CWF19L2: variants seen among roughly 807,000 people sequenced by gnomAD.
The protein encoded by CWF19L2 is CWF19-like protein 2.
A neutral mutation model predicts 111.7 loss-of-function variants in CWF19L2; 98 were observed. The observed-to-expected ratio is 0.88, with a 90% CI of 0.75 to 1.04. The LOEUF is 1.04. Ranked by LOEUF, CWF19L2 falls within the 50% of genes least tolerant of loss-of-function variation. The pLI is 0.00. For synonymous variants in CWF19L2, 351 were observed against 342.9 expected (o/e 1.02, Z -0.26); for missense variants, 1,101 against 1,051.4 (o/e 1.05, Z -0.65).
intron 6 of CWF19L2, among the ~76,000 whole-genome samples, chr11:107,434,825 T>C (rs1861518266): frequency 6.6e-6 from 1 of 152,068 alleles, no homozygotes; most frequent in African/African-American, 2.4e-5. Context: ...GACAAGGTAG[T>C]GACTAGAAGG....
At chr11:107,358,652 T>C (rs1418061233) in intron 12 of CWF19L2, among the ~76,000 whole-genome samples, 1 of 152,202 alleles carries the variant, frequency 6.6e-6, no homozygotes, top group South Asian at 2.1e-4. Context: ...AACAGGGAAA[T>C]CTATAGACAA....
In CWF19L2 at chr11:107,433,660, CAA is replaced by C; in HGVS notation, c.752_753del (p.Phe251Ter). ...CCATATCTTTCGGCTACAATGTCCT[CAA>C]AGTTTCTACTTTGTTTCTCAGCTTG... ...KEQAEKQSRN[F>X]EDIVAERYGS... On this transcript the variant is annotated frameshift_variant, in exon 7 of 18. Transcript: ENST00000282251. LOFTEE classifies it high-confidence loss of function. The C allele has an allele frequency of 6.3e-7, 1 of 1,577,250 alleles. No individual in the cohort carries two copies. The highest frequency in any genetic ancestry group is 2.4e-5 in the East Asian group (1 of 42,456).
chr11:107,439,035 GAAA>G (rs375132996), intron 6 of CWF19L2, 52 bp downstream of exon 6: 398 of 291,530 alleles, frequency 1.4e-3, no homozygotes, highest in East Asian at 2.4e-3. Flanking sequence ...ACTCTGTCTC[GAAA>G]AAAAAAAAAA....
chr11:107,349,668 T>A (rs1317938990), intron 13 of CWF19L2, among the ~76,000 whole-genome samples: 3 of 151,936 alleles, frequency 2.0e-5, no homozygotes, highest in Non-Finnish European at 4.4e-5. Flanking sequence ...AACAAAAGCA[T>A]TACAAAGGGC....
In CWF19L2 at chr11:107,326,778, T is replaced by C. The variant is rs921173730; in HGVS notation, c.*132A>G. Reference sequence around the variant, plus strand: ...ACAACACAATCTCCTGATGTACAGTTGTCACTGACCCAGAGCAGTCTGCTG... The same window carrying C: ...ACAACACAATCTCCTGATGTACAGTCGTCACTGACCCAGAGCAGTCTGCTG... On this transcript the variant is annotated 3_prime_UTR_variant, in exon 18 of 18. Coordinates refer to ENST00000282251, the MANE Select transcript of CWF19L2 (RefSeq NM_152434.3). 1 of 639,178 alleles carries C rather than the reference T, an allele frequency of 1.6e-6. No homozygotes were observed. The highest frequency in any genetic ancestry group is 3.6e-5 in the Admixed American group (1 of 27,776). The allele number at this position is 639,178 out of a possible 1,614,324, so 39.6% of individuals were successfully genotyped here. A position where few individuals can be genotyped will look rare whatever the true frequency, so the allele number is the denominator to read the frequency against.
intron 17 of CWF19L2, among the ~76,000 whole-genome samples, chr11:107,328,627 T>A (rs1859798300): frequency 6.6e-6 from 1 of 152,196 alleles, no homozygotes; most frequent in Non-Finnish European, 1.5e-5. Context: ...CCAGAATGCA[T>A]GAATAATATG....
Position 107,373,697 on chromosome 11 carries a change from CT to C in CWF19L2, c.1872+16376del, listed in dbSNP as rs1448182971. Among the ~76,000 whole-genome samples the C allele has an allele frequency of 6.8e-5, 9 of 132,726 alleles. 1 individual carries two copies. Among genetic ancestry groups the C allele is most frequent in the African/African-American group, 2.7e-4 (9 of 33,476 alleles). 87.1% of individuals were successfully genotyped at this position (132,726 alleles called of 152,430 possible). A position where few individuals can be genotyped will look rare whatever the true frequency, so the allele number is the denominator to read the frequency against. On this transcript the variant is annotated intron_variant, in intron 12 of 17. Transcript: ENST00000282251. ...AAACAGAACAGAAAAACTGGAAACT[CT>C]AAAAAGCAGAGCGCCTCTCCTCCTC...
intron 12 of CWF19L2, among the ~76,000 whole-genome samples, chr11:107,373,099 C>T (rs1248196732): frequency 1.4e-5 from 1 of 73,476 alleles, no homozygotes; most frequent in East Asian, 3.6e-4. Flanking sequence ...GATTATATCC[C>T]GCACCTGGCT....
At chr11:107,428,212 A>T (rs1292282084) in intron 8 of CWF19L2, among the ~76,000 whole-genome samples, 1 of 152,030 alleles carries the variant, frequency 6.6e-6, no homozygotes, top group African/African-American at 2.4e-5. Flanking sequence ...GCCCTACATA[A>T]ATGCAACATA....
intron 14 of CWF19L2, among the ~76,000 whole-genome samples, chr11:107,337,037 A>G (rs1440410291): frequency 6.6e-6 from 1 of 152,356 alleles, no homozygotes; most frequent in South Asian, 2.1e-4. Flanking sequence ...CAGAACTGAC[A>G]GAACAATCAT....
At chr11:107,433,526 G>A (rs1861494183) in intron 7 of CWF19L2, 108 bp downstream of exon 7, 7 of 384,418 alleles carry the variant, frequency 1.8e-5, no homozygotes, top group East Asian at 1.7e-4. Context: ...GTAGTATAAA[G>A]ACATGAAATA....
chr11:107,453,845 G>C (rs1307847056), intron 3 of CWF19L2, among the ~76,000 whole-genome samples: 2 of 152,014 alleles, frequency 1.3e-5, no homozygotes, highest in South Asian at 4.2e-4. Context: ...AGAGTTCTTG[G>C]GCCTTAAGGG....
At chr11:107,390,735 A>T (rs1225568748) in intron 11 of CWF19L2, among the ~76,000 whole-genome samples, 1 of 152,220 alleles carries the variant, frequency 6.6e-6, no homozygotes, top group Non-Finnish European at 1.5e-5. Flanking sequence ...AAGTACTCAG[A>T]AATGGGATCA....
intron 12 of CWF19L2, among the ~76,000 whole-genome samples, chr11:107,389,834 C>T (rs1860822050): frequency 6.6e-6 from 1 of 152,088 alleles, no homozygotes. Flanking sequence ...ATTAAAATCT[C>T]CACAGAATGC....
intron 12 of CWF19L2, among the ~76,000 whole-genome samples, chr11:107,356,558 AATT>A (rs1436056714): frequency 4.6e-5 from 7 of 152,224 alleles, no homozygotes; most frequent in Admixed American, 2.0e-4. Context: ...TTGCCTTACA[AATT>A]ATTATTTTAA....
intron 12 of CWF19L2, among the ~76,000 whole-genome samples, chr11:107,362,363 TG>T (rs1156253513): frequency 6.6e-6 from 1 of 151,900 alleles, no homozygotes; most frequent in African/African-American, 2.4e-5. Flanking sequence ...GCTTCACCTC[TG>T]GGGGCAGGGC....
Position 107,428,846 on chromosome 11 carries a change from G to T in CWF19L2, c.1386C>A (p.Asp462Glu). 1 of 1,611,754 alleles carries T rather than the reference G, an allele frequency of 6.2e-7. No individual in the cohort carries two copies. The highest frequency in any genetic ancestry group is 8.5e-7 in the Non-Finnish European group (1 of 1,179,132). The change falls in exon 8 of 18, where the codon GAC becomes GAA. Residue 462 changes from aspartate (D) to glutamate (E), a missense_variant. Physicochemically the swap from Asp to Glu is conservative, Grantham distance 45. Coordinates refer to ENST00000282251, the MANE Select transcript of CWF19L2 (RefSeq NM_152434.3). ...CCCGTAGATGTTCTTTTTTTGGAGG[G>T]TCATCTCTCAAGACTTCATCTTGTG... ...EKSQDEVLRD[D>E]PPKKEHLRDT...
chr11:107,396,629 T>A (rs59590014), intron 10 of CWF19L2, among the ~76,000 whole-genome samples: 28,734 of 152,170 alleles, frequency 0.19, 2,890 homozygotes, highest in Middle Eastern at 0.3. Context: ...ATCATTTTTA[T>A]AGTAATAAAA....
chr11:107,455,471 C>T (rs526875), intron 2 of CWF19L2, among the ~76,000 whole-genome samples, 195 bp downstream of exon 2: 27,019 of 152,120 alleles, frequency 0.18, 2,580 homozygotes, highest in Middle Eastern at 0.27. Flanking sequence ...AATAACAAAA[C>T]TTGAGTCATA....
Sources: allele counts gnomAD v4.1 joint callset (sites outside exome capture counted in the v4.1 genomes callset), GRCh38; gene constraint gnomAD v4.1.1; transcripts MANE v1.5; gene names NCBI Gene and HGNC (gene_info 2026-07-23, HGNC 2026-07-21).